EXOSC7: variants seen among roughly 807,000 people sequenced by gnomAD.
The protein encoded by EXOSC7 is exosome component 7.
A neutral mutation model predicts 34.3 loss-of-function variants in EXOSC7; 25 were observed. The observed-to-expected ratio is 0.73, with a 90% CI of 0.53 to 1.02. The LOEUF (loss-of-function observed/expected upper bound fraction) is 1.02, where lower values mean the gene tolerates loss of function less well. Ranked by LOEUF, EXOSC7 falls within the 50% of genes least tolerant of loss-of-function variation. The pLI is 0.00. For synonymous variants in EXOSC7, 130 were observed against 143.0 expected, an observed-to-expected ratio of 0.91 and a Z score of 0.65; for missense variants, 370 against 368.5, an observed-to-expected ratio of 1.00 and a Z score of -0.03.
At chr3:44,976,359 C>A (rs774995664) in intron 1 of EXOSC7, 25 bp downstream of exon 1, 2 of 1,560,420 alleles carry the variant, frequency 1.3e-6, no homozygotes, top group East Asian at 2.6e-5. Flanking sequence ...GGCGTTGGGT[C>A]GGCCGCCGGG....
intron 1 of EXOSC7, among the ~76,000 whole-genome samples, chr3:44,982,888 T>C (rs996935742): frequency 6.6e-6 from 1 of 152,196 alleles, no homozygotes; most frequent in Non-Finnish European, 1.5e-5. Flanking sequence ...GATCAACACC[T>C]ACTTTTGCCT....
intron 4 of EXOSC7, among the ~76,000 whole-genome samples, chr3:44,998,325 C>T (rs942605585): frequency 8.6e-5 from 13 of 151,820 alleles, no homozygotes; most frequent in African/African-American, 2.9e-4. Context: ...TGCAAACCAC[C>T]GTGCCTGGCC....
Position 45,008,786 on chromosome 3 carries a change from C to A in EXOSC7, c.771+1211C>A, listed in dbSNP as rs184554292. 1.3e-4 allele frequency among the ~76,000 whole-genome samples: 20 copies of A among 152,356 alleles called. No homozygotes were observed. The East Asian group carries it at 2.5e-3, about 19-fold the overall frequency. ...CAAAGTCCTCTAGGCAAGGGACTGT[C>A]AAACCTTGTTTTAGAAGGTACTCTT... is the stretch of plus-strand genomic sequence containing the variant. On this transcript the variant is annotated intron_variant, in intron 7 of 7. Transcript: ENST00000265564.
intron 1 of EXOSC7, 47 bp downstream of exon 1, chr3:44,976,381 C>T: frequency 6.6e-7 from 1 of 1,514,408 alleles, no homozygotes; most frequent in Admixed American, 2.4e-5. Context: ...TCAGCCTGGC[C>T]CTGCGGGTCG....
At chr3:44,983,029 C>T (rs1208835461) in intron 1 of EXOSC7, among the ~76,000 whole-genome samples, 1 of 152,148 alleles carries the variant, frequency 6.6e-6, no homozygotes, top group Non-Finnish European at 1.5e-5. Context: ...GAGTATTAGA[C>T]AAGTCAAAGC....
At chr3:45,005,163 T>A in intron 5 of EXOSC7, 128 bp from the exon 6 acceptor site, 1 of 1,050,048 alleles carries the variant, frequency 9.5e-7, no homozygotes, top group Non-Finnish European at 1.4e-6. Context: ...GGGATGAGGA[T>A]GATAAAGAAT....
chr3:45,005,211 TC>T, intron 5 of EXOSC7, 79 bp from the exon 6 acceptor site: 1 of 1,511,184 alleles, frequency 6.6e-7, no homozygotes, highest in South Asian at 1.1e-5. Context: ...ACACAGGGAT[TC>T]CAACTCCTAT....
intron 3 of EXOSC7, among the ~76,000 whole-genome samples, chr3:44,992,658 G>GACTC (rs1289747487): frequency 6.6e-6 from 1 of 152,190 alleles, no homozygotes; most frequent in Non-Finnish European, 1.5e-5. Flanking sequence ...TTGTAGCTGA[G>GACTC]AGTAGGCTAT....
At chr3:44,984,662 T>A (rs1215132682) in intron 1 of EXOSC7, among the ~76,000 whole-genome samples, 1 of 152,238 alleles carries the variant, frequency 6.6e-6, no homozygotes, top group Non-Finnish European at 1.5e-5. Flanking sequence ...TGTCTGAACT[T>A]GGGCCATTCA....
At chr3:44,979,962 A>C (rs968888449) in intron 1 of EXOSC7, among the ~76,000 whole-genome samples, 1 of 151,954 alleles carries the variant, frequency 6.6e-6, no homozygotes, top group African/African-American at 2.4e-5. Flanking sequence ...GTTTCAGGGA[A>C]CCAATAAGAG....
intron 4 of EXOSC7, among the ~76,000 whole-genome samples, chr3:45,000,837 A>G (rs1290893003): frequency 1.3e-5 from 2 of 152,112 alleles, no homozygotes; most frequent in Non-Finnish European, 2.9e-5. Context: ...TCTGGGGCAA[A>G]ATAAAGGTGA....
intron 1 of EXOSC7, among the ~76,000 whole-genome samples, chr3:44,986,871 G>A (rs550234712): frequency 1.3e-5 from 2 of 152,290 alleles, no homozygotes; most frequent in African/African-American, 4.8e-5. Context: ...CACATATGCA[G>A]TTAGCCAGGC....
intron 1 of EXOSC7, among the ~76,000 whole-genome samples, chr3:44,984,032 C>G (rs1441799135): frequency 6.6e-6 from 1 of 152,128 alleles, no homozygotes. Context: ...AGCCTTTCTC[C>G]AGGAGGCAGA....
chr3:45,006,229 C>T lies in EXOSC7; in HGVS notation c.615+815C>T, dbSNP rs145063263. 3.2e-3 allele frequency among the ~76,000 whole-genome samples: 482 copies of T among 151,248 alleles called. 2 individuals carry two copies. Among genetic ancestry groups the T allele is most frequent in the African/African-American group, 0.011 (457 of 41,256 alleles). On this transcript the variant is annotated intron_variant, in intron 6 of 7. Transcript: ENST00000265564. ...AATAGCTGGGATTACAGGCACGTGC[C>T]ATCATGCCTGGCTAATTTTTGTATT...
chr3:44,991,762 T>TA (rs1706578601), intron 3 of EXOSC7, among the ~76,000 whole-genome samples: 1 of 152,178 alleles, frequency 6.6e-6, no homozygotes, highest in Non-Finnish European at 1.5e-5. Context: ...TTTCCTGGCT[T>TA]AGAGTGGCTG....
intron 5 of EXOSC7, 23 bp downstream of exon 5, chr3:45,001,631 C>T (rs747910891): frequency 2.6e-6 from 4 of 1,557,780 alleles, no homozygotes; most frequent in Non-Finnish European, 3.5e-6. Context: ...AGAAACAGCT[C>T]TGCGAACCTG....
chr3:44,994,906 T>TG (rs1706679036), intron 3 of EXOSC7, among the ~76,000 whole-genome samples: 5 of 143,612 alleles, frequency 3.5e-5, no homozygotes, highest in South Asian at 2.2e-4. Context: ...TGTGTGTGTG[T>TG]TTTAAGCCAT....
intron 3 of EXOSC7, among the ~76,000 whole-genome samples, chr3:44,991,598 C>A (rs758545556): frequency 1.3e-5 from 2 of 152,196 alleles, no homozygotes; most frequent in South Asian, 4.1e-4. Context: ...ATAGGGGATA[C>A]GTTTCATTGT....
chr3:44,992,332 CTT>C (rs1199413540), intron 3 of EXOSC7, among the ~76,000 whole-genome samples: 1 of 152,212 alleles, frequency 6.6e-6, no homozygotes, highest in Admixed American at 6.5e-5. Flanking sequence ...TTTGATTTAA[CTT>C]CTTGTTAGCA....
Sources: gnomAD v4.1 joint callset for allele counts (sites outside exome capture counted in the v4.1 genomes callset) on GRCh38, gnomAD v4.1.1 for gene constraint, MANE v1.5 for transcripts, NCBI Gene and HGNC (gene_info 2026-07-23, HGNC 2026-07-21) for gene names.